PLCL1: variants seen among roughly 807,000 people sequenced by gnomAD.
PLCL1 encodes the protein phospholipase C like 1 (inactive), also known as inactive phospholipase C-like protein 1.
PLCL1 carries 41 observed loss-of-function variants against 84.4 expected under a neutral mutation model. The observed-to-expected ratio is 0.49, with a 90% CI of 0.38 to 0.63. The LOEUF is 0.63. PLCL1 is among the 30% of genes least tolerant of loss of function. The pLI is 0.00. For missense variants in PLCL1, 1,206 were observed against 1,367.8 expected (o/e 0.88, Z 1.87); for synonymous variants, 490 against 488.3 (o/e 1.00, Z -0.05).
intron 1 of PLCL1, among the ~76,000 whole-genome samples, chr2:197,812,008 C>G (rs1366883226): frequency 1.3e-5 from 2 of 152,140 alleles, no homozygotes; most frequent in Admixed American, 1.3e-4. Context: ...TTGTTCCTCT[C>G]TTTGTGTTCA....
intron 1 of PLCL1, among the ~76,000 whole-genome samples, chr2:198,024,409 A>G (rs1691213631): frequency 2.1e-5 from 3 of 144,584 alleles, no homozygotes; most frequent in African/African-American, 7.8e-5. Context: ...ATTTAAAAAA[A>G]GGAAAAAAAA....
At chr2:198,092,568 G>C (rs1693072842) in intron 3 of PLCL1, among the ~76,000 whole-genome samples, 1 of 151,248 alleles carries the variant, frequency 6.6e-6, no homozygotes, top group South Asian at 2.1e-4. Flanking sequence ...TTGGAAATAT[G>C]CAATATATTA....
chr2:198,051,396 T>C lies in PLCL1; in HGVS notation c.241-32362T>C, dbSNP rs571344034. ...TATTACAGTTTTAGATTTTTAATGG[T>C]TATGATAAACATGAGTCTATGATTT... On this transcript the variant is annotated intron_variant, in intron 1 of 5. Coordinates refer to ENST00000428675, the MANE Select transcript of PLCL1 (RefSeq NM_006226.4). Among the ~76,000 whole-genome samples, 159 of 152,352 alleles carry C rather than the reference T, an allele frequency of 1.0e-3. 1 individual carries two copies. The highest frequency in any genetic ancestry group is 3.8e-3 in the African/African-American group (156 of 41,592).
intron 1 of PLCL1, among the ~76,000 whole-genome samples, chr2:197,822,812 C>T (rs1184548847): frequency 2.6e-5 from 4 of 152,084 alleles, no homozygotes; most frequent in Admixed American, 2.6e-4. Flanking sequence ...TCCTGTATTT[C>T]TACAAATGTA....
At chr2:198,129,457 T>TG (rs1694070109) in intron 5 of PLCL1, among the ~76,000 whole-genome samples, 2 of 152,110 alleles carry the variant, frequency 1.3e-5, no homozygotes, top group Non-Finnish European at 2.9e-5. Context: ...AATCCACCTA[T>TG]GACCTGTAAG....
At chr2:198,049,985 T>A (rs992799708) in intron 1 of PLCL1, among the ~76,000 whole-genome samples, 1 of 152,166 alleles carries the variant, frequency 6.6e-6, no homozygotes, top group Admixed American at 6.5e-5. Context: ...TGAAAGACCT[T>A]GTATGAAAGC....
chr2:198,070,008 G>A (rs1033738247), intron 1 of PLCL1, among the ~76,000 whole-genome samples: 7 of 152,048 alleles, frequency 4.6e-5, no homozygotes, highest in African/African-American at 7.2e-5. Context: ...GTTGCGGGGC[G>A]GAATGCAAAG....
chr2:198,057,275 G>A (rs1264508652), intron 1 of PLCL1, among the ~76,000 whole-genome samples: 1 of 152,110 alleles, frequency 6.6e-6, no homozygotes, highest in African/African-American at 2.4e-5. Flanking sequence ...TGGGGAACGA[G>A]GCATCCTAGG....
intron 1 of PLCL1, among the ~76,000 whole-genome samples, chr2:197,965,544 C>T (rs1413050240): frequency 6.6e-6 from 1 of 151,900 alleles, no homozygotes; most frequent in Non-Finnish European, 1.5e-5. Flanking sequence ...TTGTTTTCTT[C>T]ATTTATTTCT....
chr2:197,815,568 C>T (rs2106416212), intron 1 of PLCL1, among the ~76,000 whole-genome samples: 1 of 152,194 alleles, frequency 6.6e-6, no homozygotes, highest in Admixed American at 6.5e-5. Context: ...TTTCATAAGG[C>T]TATAGTTGCT....
chr2:198,107,270 A>G (rs1189424109), intron 5 of PLCL1, among the ~76,000 whole-genome samples: 1 of 151,870 alleles, frequency 6.6e-6, no homozygotes, highest in Non-Finnish European at 1.5e-5. Flanking sequence ...CTCCCTTATG[A>G]TTTGATTACC....
intron 1 of PLCL1, among the ~76,000 whole-genome samples, chr2:197,886,406 T>C (rs1251960463): frequency 6.5e-4 from 41 of 63,454 alleles, no homozygotes; most frequent in African/African-American, 2.2e-3. Flanking sequence ...AATGAGACTC[T>C]GTCTCAAAAA....
At chr2:198,088,826 A>G (rs868610748) in intron 2 of PLCL1, 32 bp from the exon 3 acceptor site, 1 of 1,339,816 alleles carries the variant, frequency 7.5e-7, no homozygotes, top group Middle Eastern at 1.9e-4. Context: ...TCAGGTGGTC[A>G]GAAGTGTGAT....
At chr2:198,080,724 T>C (rs1312166032) in intron 1 of PLCL1, among the ~76,000 whole-genome samples, 1 of 152,248 alleles carries the variant, frequency 6.6e-6, no homozygotes, top group African/African-American at 2.4e-5. Flanking sequence ...CGTTCACACA[T>C]GCTCTGGCCA....
intron 1 of PLCL1, among the ~76,000 whole-genome samples, chr2:197,947,237 AATATAT>A (rs55700681): frequency 1.1e-4 from 16 of 142,746 alleles, no homozygotes; most frequent in South Asian, 2.2e-4. Flanking sequence ...TGCTTAGATA[AATATAT>A]ATATATATAT....
intron 1 of PLCL1, among the ~76,000 whole-genome samples, chr2:197,888,199 A>T (rs929878662): frequency 6.6e-6 from 1 of 152,062 alleles, no homozygotes; most frequent in African/African-American, 2.4e-5. Flanking sequence ...TTTGTGTGTA[A>T]ACTCTCTGGT....
intron 1 of PLCL1, among the ~76,000 whole-genome samples, chr2:197,834,486 A>T (rs1005365370): frequency 1.3e-5 from 2 of 152,252 alleles, no homozygotes; most frequent in Non-Finnish European, 2.9e-5. Context: ...AAAGTGGGTG[A>T]CAGATATGAA....
chr2:198,131,026 T>C (rs945198880), intron 5 of PLCL1, among the ~76,000 whole-genome samples: 1 of 152,124 alleles, frequency 6.6e-6, no homozygotes, highest in Non-Finnish European at 1.5e-5. Flanking sequence ...GCTCCCCTCC[T>C]TCCCCTCCAG....
chr2:197,972,520 T>G (rs1462421383), intron 1 of PLCL1, among the ~76,000 whole-genome samples: 1 of 152,184 alleles, frequency 6.6e-6, no homozygotes, highest in East Asian at 1.9e-4. Context: ...GTGGGTAAAG[T>G]AAAGAAATTA....
Sources: allele counts gnomAD v4.1 joint callset (sites outside exome capture counted in the v4.1 genomes callset), GRCh38; gene constraint gnomAD v4.1.1; transcripts MANE v1.5; gene names NCBI Gene and HGNC (gene_info 2026-07-23, HGNC 2026-07-21).